Variants in RSBN1 observed in about 807,000 individuals in gnomAD.
The protein encoded by RSBN1 is lysine-specific demethylase 9.
A neutral mutation model predicts 74.8 loss-of-function variants in RSBN1; 23 were observed. The observed-to-expected ratio is 0.31, with a 90% CI of 0.22 to 0.44. RSBN1 has a LOEUF of 0.44. Ranked by LOEUF, RSBN1 falls within the 20% of genes least tolerant of loss-of-function variation. The probability of loss-of-function intolerance (pLI) is 1.00; values close to 1 mark genes in which losing one functional copy is unlikely to be tolerated. For missense variants in RSBN1, 808 were observed against 1,020.9 expected (o/e 0.79, Z 2.84); for synonymous variants, 407 against 379.6 (o/e 1.07, Z -0.84).
chr1:113,777,888 C>A (rs1209761652), intron 2 of RSBN1, 80 bp from the exon 3 acceptor site: 8 of 1,274,552 alleles, frequency 6.3e-6, no homozygotes, highest in Non-Finnish European at 8.2e-6. Context: ...GTTATTGTTT[C>A]CAACGTTGCC....
chr1:113,797,354 T>G lies in RSBN1; in HGVS notation c.1377+9A>C. 1 of 1,594,454 alleles carries G rather than the reference T, an allele frequency of 6.3e-7. No homozygotes were observed. The highest frequency in any genetic ancestry group is 8.5e-7 in the Non-Finnish European group (1 of 1,172,324). On this transcript the variant is annotated intron_variant, in intron 2 of 6. Transcript: ENST00000261441. ...ATTTACTAATTTTTAACAACAATTT[T>G]TATCTTACCTGAGTGTGAAAATTTG...
At chr1:113,769,166 A>C (rs1659840069) in intron 4 of RSBN1, among the ~76,000 whole-genome samples, 1 of 152,110 alleles carries the variant, frequency 6.6e-6, no homozygotes, top group Non-Finnish European at 1.5e-5. Flanking sequence ...ACATCTCCAC[A>C]CATCAGCCCA....
At chr1:113,807,918 A>G (rs536503655) in intron 1 of RSBN1, among the ~76,000 whole-genome samples, 1 of 152,198 alleles carries the variant, frequency 6.6e-6, no homozygotes, top group Non-Finnish European at 1.5e-5. Context: ...AAAGATGTGT[A>G]TTATCACTAG....
chr1:113,796,462 A>T (rs981320435), intron 2 of RSBN1, among the ~76,000 whole-genome samples: 1 of 152,186 alleles, frequency 6.6e-6, no homozygotes, highest in African/African-American at 2.4e-5. Flanking sequence ...TAATTCAGGC[A>T]GCTGAGAGTC....
chr1:113,812,160 C>T lies in RSBN1; in HGVS notation c.253G>A (p.Val85Ile), dbSNP rs372385428. Residue 85 changes from valine (V) to isoleucine (I), a missense_variant, in exon 1 of 7, where the codon GTT (valine) becomes ATT (isoleucine). Coordinates refer to ENST00000261441, the MANE Select transcript of RSBN1 (RefSeq NM_018364.5). ...CTGCTAGATCGGCGCTGCCGTTTAA[C>T]TCCCCGCGGGGAGACCCCAGCATGA... ...KPHAGVSPRGVKRQRRSSSGG... is the reference protein window; with the variant it reads ...KPHAGVSPRGIKRQRRSSSGG... 1 of 1,609,712 alleles carries T rather than the reference C, an allele frequency of 6.2e-7. No individual in the cohort carries two copies. The highest frequency in any genetic ancestry group is 8.5e-7 in the Non-Finnish European group (1 of 1,179,874).
chr1:113,811,753 G>A lies in RSBN1; in HGVS notation c.660C>T (p.Gly220=), dbSNP rs970488026. ...DLKHKDKQEN[G]ERTGGVPLIK... is the part of the protein sequence containing the mutation. ...TCAGAGGCACCCCTCCAGTCCTCTC[G>A]CCGTTTTCCTGCTTGTCCTTGTGCT... Residue 220 remains glycine (G), a synonymous_variant, in exon 1 of 7, where the codon GGC becomes GGT. Transcript: ENST00000261441. 1.2e-6 allele frequency: 2 copies of A among 1,612,120 alleles called. No individual in the cohort carries two copies. Among genetic ancestry groups the A allele is most frequent in the African/African-American group, 1.3e-5 (1 of 74,780 alleles).
intron 2 of RSBN1, among the ~76,000 whole-genome samples, chr1:113,793,812 C>T (rs1270334421): frequency 6.6e-6 from 1 of 152,036 alleles, no homozygotes; most frequent in Non-Finnish European, 1.5e-5. Flanking sequence ...GGATTACAGG[C>T]GCCCGCCACC....
chr1:113,802,320 AAAAAAAAG>A (rs1660601447), intron 1 of RSBN1, among the ~76,000 whole-genome samples: 1 of 152,190 alleles, frequency 6.6e-6, no homozygotes, highest in Non-Finnish European at 1.5e-5. Context: ...TCGGAAAAAA[AAAAAAAAG>A]GTAGTATCTT....
At chr1:113,808,123 C>CA (rs1217208868) in intron 1 of RSBN1, among the ~76,000 whole-genome samples, 7 of 151,892 alleles carry the variant, frequency 4.6e-5, no homozygotes, top group Non-Finnish European at 8.8e-5. Flanking sequence ...AAAAAACAAA[C>CA]AAACAAAATA....
intron 2 of RSBN1, among the ~76,000 whole-genome samples, chr1:113,784,048 GA>G (rs1660192685): frequency 6.6e-6 from 1 of 152,160 alleles, no homozygotes; most frequent in African/African-American, 2.4e-5. Flanking sequence ...ACCCAAAATA[GA>G]ACATTTAAAG....
intron 1 of RSBN1, among the ~76,000 whole-genome samples, chr1:113,810,667 ATG>A (rs1427512644): frequency 6.6e-6 from 1 of 152,228 alleles, no homozygotes; most frequent in East Asian, 1.9e-4. Context: ...CGTGGAAAGA[ATG>A]CAAGACTCAC....
At chr1:113,783,115 G>A (rs1036816192) in intron 2 of RSBN1, among the ~76,000 whole-genome samples, 21 of 152,060 alleles carry the variant, frequency 1.4e-4, no homozygotes, top group Non-Finnish European at 7.4e-5. Context: ...AAGAAATCAA[G>A]CAATATGTTT....
chr1:113,808,070 T>A (rs181564598), intron 1 of RSBN1, among the ~76,000 whole-genome samples: 218 of 152,192 alleles, frequency 1.4e-3, no homozygotes, highest in African/African-American at 5.1e-3. Context: ...GACAGGAATG[T>A]AAAATGGTAC....
chr1:113,777,209 C>A lies in RSBN1; in HGVS notation c.1658+1G>T. ...CTTATTTGAGAAAAAGAAATATTTA[C>A]CGTCGTCTTTTGAAGGGTGACTTTG... On this transcript the variant is annotated splice_donor_variant, in intron 4 of 6. Coordinates refer to ENST00000261441, the MANE Select transcript of RSBN1 (RefSeq NM_018364.5). LOFTEE classifies it high-confidence loss of function. 6.3e-7 allele frequency: 1 copy of A among 1,598,562 alleles called. No homozygotes were observed. Among genetic ancestry groups the A allele is most frequent in the South Asian group, 1.1e-5 (1 of 87,078 alleles).
Position 113,812,139 on chromosome 1 carries a change from T to A in RSBN1, c.274A>T (p.Ser92Cys), listed in dbSNP as rs1205738828. 1 of 1,609,638 alleles carries A rather than the reference T, an allele frequency of 6.2e-7. No homozygotes were observed. The highest frequency in any genetic ancestry group is 1.7e-5 in the Admixed American group (1 of 59,988). The change falls in exon 1 of 7, where the codon AGC (serine) becomes TGC (cysteine). Residue 92 changes from serine (S) to cysteine (C), a missense_variant. Physicochemically the swap from Ser to Cys is moderately radical, Grantham distance 112 (BLOSUM62 -1). This residue lies in a region of RSBN1 where 464 missense variants were observed against 401.0 expected (regional missense o/e 1.16). Coordinates refer to ENST00000261441, the MANE Select transcript of RSBN1 (RefSeq NM_018364.5). The stretch of plus-strand genomic sequence containing the variant: ...CGCTTCTCCTGAGACCCCCCACTGC[T>A]AGATCGGCGCTGCCGTTTAACTCCC... ...PRGVKRQRRS[S>C]SGGSQEKRGR...
intron 2 of RSBN1, among the ~76,000 whole-genome samples, chr1:113,790,582 C>G (rs1354276140): frequency 6.6e-6 from 1 of 152,214 alleles, no homozygotes; most frequent in East Asian, 1.9e-4. Context: ...GCTTCCCAGG[C>G]AATGTTGACA....
intron 1 of RSBN1, among the ~76,000 whole-genome samples, chr1:113,811,020 T>C (rs1480019397): frequency 1.3e-5 from 2 of 152,204 alleles, no homozygotes; most frequent in Non-Finnish European, 2.9e-5. Flanking sequence ...CAGAATCAAA[T>C]GCAACTGAAA....
intron 1 of RSBN1, 98 bp downstream of exon 1, chr1:113,811,612 A>G (rs1459940216): frequency 6.8e-7 from 1 of 1,463,718 alleles, no homozygotes; most frequent in Non-Finnish European, 9.0e-7. Flanking sequence ...CAGCAGCAGA[A>G]GGTAAGCAGG....
intron 2 of RSBN1, among the ~76,000 whole-genome samples, chr1:113,793,694 T>C (rs1660414591): frequency 6.6e-6 from 1 of 152,086 alleles, no homozygotes; most frequent in Admixed American, 6.5e-5. Context: ...TTTTTTTCTT[T>C]TTTTCTTTAT....
Sources: allele counts gnomAD v4.1 joint callset (sites outside exome capture counted in the v4.1 genomes callset), GRCh38; gene constraint gnomAD v4.1.1; regional missense constraint gnomAD v4.1.1; transcripts MANE v1.5; gene names NCBI Gene and HGNC (gene_info 2026-07-23, HGNC 2026-07-21).